Variants in RUFY4 observed in about 807,000 individuals in gnomAD.
RUFY4 encodes the protein RUN and FYVE domain-containing protein 4.
In RUFY4, 73 loss-of-function variants were observed where a neutral mutation model predicts 69.0. The observed-to-expected ratio is 1.06, with a 90% CI of 0.88 to 1.29. The LOEUF (loss-of-function observed/expected upper bound fraction) is 1.29, where lower values mean the gene tolerates loss of function less well. RUFY4 is among the 50% of genes most tolerant of loss of function. The pLI, the probability that RUFY4 is intolerant of heterozygous loss-of-function variation, is 0.00. For synonymous variants in RUFY4, 287 were observed against 271.8 expected (o/e 1.06, Z -0.55); for missense variants, 770 against 705.6 (o/e 1.09, Z -1.03).
At chr2:218,070,439 G>A (rs2106046964), upstream of RUFY4, 1 of 664,992 alleles carries the variant, frequency 1.5e-6, no homozygotes, top group East Asian at 2.7e-5. Context: ...ATAGAGCTGG[G>A]ATTCTCCCCC....
At chr2:218,060,588 T>A in intron 3 of RUFY4, 1 of 1,336,684 alleles carries the variant, frequency 7.5e-7, no homozygotes, top group South Asian at 1.2e-5. Flanking sequence ...TCATCTGGGT[T>A]CCCATGAGGG....
At chr2:218,055,057 G>T (rs1210084746) in intron 2 of RUFY4, among the ~76,000 whole-genome samples, 1 of 152,162 alleles carries the variant, frequency 6.6e-6, no homozygotes, top group African/African-American at 2.4e-5. Flanking sequence ...TCAGAAGCCT[G>T]CCTTAATTTG....
At chr2:218,070,932 C>T in intron 2 of RUFY4, 73 bp downstream of exon 4, 1 of 1,180,026 alleles carries the variant, frequency 8.5e-7, no homozygotes, top group Non-Finnish European at 1.2e-6. Flanking sequence ...CCTGGAAAAT[C>T]AGGGAGGAGC....
intron 2 of RUFY4, among the ~76,000 whole-genome samples, chr2:218,050,795 T>C (rs976050432): frequency 2.6e-5 from 4 of 152,356 alleles, no homozygotes; most frequent in African/African-American, 9.6e-5. Flanking sequence ...CATTGTTTTC[T>C]GTATATCAAA....
intron 7 of RUFY4, among the ~76,000 whole-genome samples, 158 bp from the exon 10 acceptor site, chr2:218,076,269 G>A (rs1171787108): frequency 3.9e-5 from 6 of 152,198 alleles, no homozygotes; most frequent in Admixed American, 2.6e-4. Context: ...CCAGAAGCAG[G>A]GCCTAGGACA....
chr2:218,067,632 A>G (rs995938316), upstream of RUFY4, among the ~76,000 whole-genome samples: 1 of 152,148 alleles, frequency 6.6e-6, no homozygotes, highest in Non-Finnish European at 1.5e-5. Context: ...AGTCACAGGC[A>G]AGCTCCAGGC....
intron 2 of RUFY4, among the ~76,000 whole-genome samples, chr2:218,040,153 T>G (rs1219378265): frequency 6.6e-6 from 1 of 152,180 alleles, no homozygotes; most frequent in East Asian, 1.9e-4. Flanking sequence ...TGATCATCCA[T>G]AGAGTGGAAA....
chr2:218,083,475 C>T (rs975223730), intron 9 of RUFY4, among the ~76,000 whole-genome samples: 6 of 152,020 alleles, frequency 3.9e-5, no homozygotes, highest in Non-Finnish European at 5.9e-5. Context: ...CTTGGCCAGG[C>T]GCAGTGGTTC....
chr2:218,070,878 C>T lies in RUFY4; in HGVS notation c.153+19C>T. 6.6e-7 allele frequency: 1 copy of T among 1,514,640 alleles called. No individual in the cohort carries two copies. The highest frequency in any genetic ancestry group is 8.8e-7 in the Non-Finnish European group (1 of 1,130,920). The allele number at this position is 1,514,640 out of a possible 1,614,324, so 93.8% of individuals were successfully genotyped here. ...GCTGCAGGTGGGACCTTCTCCTCCC[C>T]TTCCCCATCCCTCTCCCCAGACCCA... On this transcript the variant is annotated intron_variant, in intron 2 of 10. Coordinates refer to ENST00000344321, the Ensembl canonical transcript of RUFY4.
At chr2:218,069,738 C>T (rs56021237), upstream of RUFY4, among the ~76,000 whole-genome samples, 45,719 of 151,706 alleles carry the variant, frequency 0.3, 7,180 homozygotes, top group South Asian at 0.39. Flanking sequence ...ACTGCCACCC[C>T]ACCCCAAACT....
At chr2:218,053,563 G>A (rs1056297965) in intron 2 of RUFY4, among the ~76,000 whole-genome samples, 15 of 152,182 alleles carry the variant, frequency 9.9e-5, no homozygotes, top group Non-Finnish European at 1.6e-4. Context: ...AGGCTGGAGT[G>A]CAGTGGCGAG....
At chr2:218,090,046 G>T in exon 11 of RUFY4, 1 of 1,542,232 alleles carries the variant, frequency 6.5e-7, no homozygotes, top group East Asian at 2.5e-5. Flanking sequence ...AGAAGCCCAG[G>T]TCACCTGACC....
intron 2 of RUFY4, among the ~76,000 whole-genome samples, chr2:218,037,341 C>A (rs1034482878): frequency 3.3e-5 from 5 of 151,210 alleles, no homozygotes; most frequent in African/African-American, 1.2e-4. Flanking sequence ...AGATAATAAA[C>A]TGAAAAACAA....
chr2:218,050,630 G>T (rs962964001), intron 2 of RUFY4, among the ~76,000 whole-genome samples: 1 of 152,158 alleles, frequency 6.6e-6, no homozygotes, highest in South Asian at 2.1e-4. Flanking sequence ...CTTATAGCTG[G>T]ATATTCACAT....
At chr2:218,089,416 T>C in intron 10 of RUFY4, 54 bp downstream of exon 12, 3 of 1,501,656 alleles carry the variant, frequency 2.0e-6, no homozygotes, top group Non-Finnish European at 2.8e-6. Flanking sequence ...TTCCACCAGC[T>C]GACAGCCCCC....
rs1239778536 is a variant in RUFY4, at chr2:218,072,406, G to A, written c.186G>A (p.Gly62=). The stretch of plus-strand genomic sequence containing the variant: ...AGAAAGAGCAGAAGAGCTTCCTGGG[G>A]CCTCGGAAGGATTACTGGGACTTTC... The change falls in exon 3 of 11, where the codon GGG becomes GGA. Residue 62 remains glycine (G), a synonymous_variant. Transcript: ENST00000344321. The A allele has an allele frequency of 2.6e-6, 4 of 1,537,416 alleles. No homozygotes were observed. In the Admixed American group the frequency reaches 7.8e-5, roughly 30 times the overall value.
chr2:218,060,946 G>T, intron 3 of RUFY4: 1 of 872,482 alleles, frequency 1.1e-6, no homozygotes, highest in Non-Finnish European at 2.0e-6. Context: ...ACCAAGTGGC[G>T]CTGCTGGGTC....
intron 9 of RUFY4, among the ~76,000 whole-genome samples, chr2:218,088,279 G>C (rs1026775950): frequency 1.3e-5 from 2 of 151,694 alleles, no homozygotes; most frequent in African/African-American, 4.8e-5. Context: ...TTCAAGACCA[G>C]TCTGGGCAAC....
intron 2 of RUFY4, among the ~76,000 whole-genome samples, chr2:218,071,537 C>G (rs548319831): frequency 6.6e-6 from 1 of 152,094 alleles, no homozygotes; most frequent in African/African-American, 2.4e-5. Flanking sequence ...TTTCAACACA[C>G]GTGCCACACA....
Sources: gnomAD v4.1 joint callset for allele counts (sites outside exome capture counted in the v4.1 genomes callset) on GRCh38, gnomAD v4.1.1 for gene constraint, MANE v1.5 for transcripts, NCBI Gene and HGNC (gene_info 2026-07-23, HGNC 2026-07-21) for gene names.